Variants in ZNF804B observed in about 807,000 individuals in gnomAD.
The protein encoded by ZNF804B is zinc finger 804B.
A neutral mutation model predicts 101.4 loss-of-function variants in ZNF804B; 80 were observed. The ratio of observed to expected loss-of-function variants is 0.79; its 90% CI spans 0.66 to 0.95. The LOEUF (loss-of-function observed/expected upper bound fraction) is 0.95, where lower values mean the gene tolerates loss of function less well. Among genes scored for constraint, ZNF804B ranks in the 40% least tolerant of loss-of-function variants. The pLI is 0.00. For synonymous variants in ZNF804B, 622 were observed against 558.8 expected (o/e 1.11, Z -1.59); for missense variants, 1,673 against 1,561.9 (o/e 1.07, Z -1.20).
intron 1 of ZNF804B, among the ~76,000 whole-genome samples, chr7:88,855,238 T>A (rs1791536397): frequency 6.6e-6 from 1 of 152,034 alleles, no homozygotes; most frequent in African/African-American, 2.4e-5. Context: ...AAAGTGTTCC[T>A]ATTTCTCCAC....
intron 2 of ZNF804B, among the ~76,000 whole-genome samples, chr7:89,284,710 G>GA (rs35903565): frequency 0.12 from 18,476 of 151,434 alleles, 1,208 homozygotes; most frequent in Middle Eastern, 0.26. Flanking sequence ...ACAGGATTTG[G>GA]AAAAAAAATA....
chr7:88,844,874 T>G (rs191417608), intron 1 of ZNF804B, among the ~76,000 whole-genome samples: 2 of 152,240 alleles, frequency 1.3e-5, no homozygotes, highest in African/African-American at 4.8e-5. Flanking sequence ...TAAATAATCC[T>G]TAATTGTTGC....
intron 1 of ZNF804B, among the ~76,000 whole-genome samples, chr7:89,120,536 T>G (rs890120121): frequency 1.3e-5 from 2 of 149,686 alleles, no homozygotes; most frequent in Non-Finnish European, 3.0e-5. Flanking sequence ...TGGGTGCCTG[T>G]AGTCCCAGCT....
chr7:89,210,559 A>G (rs1305160528), intron 1 of ZNF804B, among the ~76,000 whole-genome samples: 1 of 152,120 alleles, frequency 6.6e-6, no homozygotes, highest in Non-Finnish European at 1.5e-5. Context: ...ATGTGTTCTC[A>G]TCATTCAGCT....
At chr7:89,141,720 C>T (rs1199290007) in intron 1 of ZNF804B, among the ~76,000 whole-genome samples, 4 of 151,896 alleles carry the variant, frequency 2.6e-5, no homozygotes, top group Non-Finnish European at 5.9e-5. Context: ...CTTGCCAACA[C>T]TCATCTTCTG....
At position 89,084,207 on chromosome 7, in the gene ZNF804B, T is replaced by G. The variant is rs74423188; in HGVS notation, c.109-133948T>G. Among the ~76,000 whole-genome samples, 255 of 151,908 alleles carry G rather than the reference T, an allele frequency of 1.7e-3. 1 individual carries two copies. The highest frequency in any genetic ancestry group is 5.8e-3 in the African/African-American group (241 of 41,474). On this transcript the variant is annotated intron_variant, in intron 1 of 3. Transcript: ENST00000333190. ...TGTGAGGAGTATGATTCTAGGAGAT[T>G]TGCACAGCCAGTGAGAATCTGTTGC...
chr7:88,790,089 G>A (rs1016310827), intron 1 of ZNF804B, among the ~76,000 whole-genome samples: 1 of 152,038 alleles, frequency 6.6e-6, no homozygotes, highest in African/African-American at 2.4e-5. Context: ...AAAAGAATTA[G>A]AATGGTGCTG....
intron 2 of ZNF804B, among the ~76,000 whole-genome samples, chr7:89,265,065 A>G (rs1158210304): frequency 6.6e-6 from 1 of 152,190 alleles, no homozygotes; most frequent in Non-Finnish European, 1.5e-5. Context: ...AATAGTTTTT[A>G]TCTCAATCAC....
intron 1 of ZNF804B, among the ~76,000 whole-genome samples, chr7:88,910,679 A>G (rs542211077): frequency 2.6e-4 from 40 of 151,982 alleles, no homozygotes; most frequent in Non-Finnish European, 5.2e-4. Context: ...TAGGTGAGAG[A>G]ATGTTTCATC....
intron 1 of ZNF804B, among the ~76,000 whole-genome samples, chr7:88,936,235 C>T (rs1014728494): frequency 1.3e-5 from 2 of 151,930 alleles, no homozygotes; most frequent in Non-Finnish European, 2.9e-5. Flanking sequence ...ATTTTAATGT[C>T]AGAATAAAAA....
At chr7:89,226,391 T>G (rs1789089147) in intron 2 of ZNF804B, among the ~76,000 whole-genome samples, 1 of 152,078 alleles carries the variant, frequency 6.6e-6, no homozygotes, top group South Asian at 2.1e-4. Context: ...GGACTTAAAC[T>G]GGAATAATAT....
At chr7:89,005,778 C>T (rs1788362568) in intron 1 of ZNF804B, among the ~76,000 whole-genome samples, 1 of 152,066 alleles carries the variant, frequency 6.6e-6, no homozygotes, top group African/African-American at 2.4e-5. Flanking sequence ...CTTTCCTTCT[C>T]ACCTCTGTCA....
Position 89,337,739 on chromosome 7 carries a change from T to C in ZNF804B, c.*707T>C, listed in dbSNP as rs931790190. On this transcript the variant is annotated 3_prime_UTR_variant, in exon 4 of 4. Coordinates refer to ENST00000333190, the MANE Select transcript of ZNF804B (RefSeq NM_181646.5). ...TAAAACTAAGAATGTTTAACTTTTG[T>C]ATAAAAACATATACAAACTATCATT... Among the ~76,000 whole-genome samples, 4 of 152,110 alleles carry C rather than the reference T, an allele frequency of 2.6e-5. No individual in the cohort carries two copies. Among genetic ancestry groups the C allele is most frequent in the Non-Finnish European group, 4.4e-5 (3 of 67,972 alleles).
intron 1 of ZNF804B, among the ~76,000 whole-genome samples, chr7:89,084,217 A>C (rs1789739847): frequency 1.3e-5 from 2 of 151,928 alleles, no homozygotes; most frequent in African/African-American, 4.8e-5. Flanking sequence ...TTGCACAGCC[A>C]GTGAGAATCT....
chr7:89,186,225 C>T (rs1354383552), intron 1 of ZNF804B, among the ~76,000 whole-genome samples: 3 of 152,036 alleles, frequency 2.0e-5, no homozygotes, highest in Non-Finnish European at 4.4e-5. Flanking sequence ...TTATCCCTAA[C>T]ACAAATGAGA....
intron 1 of ZNF804B, among the ~76,000 whole-genome samples, chr7:89,137,723 G>T (rs527804279): frequency 3.9e-5 from 6 of 152,124 alleles, no homozygotes; most frequent in South Asian, 4.1e-4. Flanking sequence ...TTTCTGGTGA[G>T]AAATTTAAGC....
At chr7:89,228,869 G>T (rs547733881) in intron 2 of ZNF804B, among the ~76,000 whole-genome samples, 2 of 152,294 alleles carry the variant, frequency 1.3e-5, no homozygotes, top group East Asian at 3.9e-4. Flanking sequence ...GGAGCAGGTA[G>T]GGGGAGGCTC....
chr7:88,975,954 A>T (rs1385444530), intron 1 of ZNF804B, among the ~76,000 whole-genome samples: 1 of 151,558 alleles, frequency 6.6e-6, no homozygotes, highest in African/African-American at 2.4e-5. Flanking sequence ...ATTTTTGTAT[A>T]TGGTGAGAGA....
At chr7:88,988,730 A>G (rs1271762001) in intron 1 of ZNF804B, among the ~76,000 whole-genome samples, 1 of 152,292 alleles carries the variant, frequency 6.6e-6, no homozygotes, top group East Asian at 1.9e-4. Context: ...AGAAGAGGGG[A>G]ATGACATAAG....
Sources: allele counts gnomAD v4.1 joint callset (sites outside exome capture counted in the v4.1 genomes callset), GRCh38; gene constraint gnomAD v4.1.1; transcripts MANE v1.5; gene names NCBI Gene and HGNC (gene_info 2026-07-23, HGNC 2026-07-21).